The following CTNNA2 variants were observed in gnomAD, a reference collection of about 807,000 sequenced individuals.
CTNNA2 encodes the protein catenin alpha 2.
A neutral mutation model predicts 101.0 loss-of-function variants in CTNNA2; 42 were observed. The observed-to-expected ratio is 0.42, with a 90% CI of 0.32 to 0.54. The LOEUF (loss-of-function observed/expected upper bound fraction) is 0.54, where lower values mean the gene tolerates loss of function less well. Among genes scored for constraint, CTNNA2 ranks in the 20% least tolerant of loss-of-function variants. The probability of loss-of-function intolerance (pLI) is 0.14; values close to 1 mark genes in which losing one functional copy is unlikely to be tolerated. For synonymous variants in CTNNA2, 450 were observed against 456.4 expected (o/e 0.99, Z 0.18); for missense variants, 871 against 1,223.1 (o/e 0.71, Z 4.29).
At chr2:79,636,659 C>G (rs893466877) in intron 1 of CTNNA2, among the ~76,000 whole-genome samples, 67 of 151,882 alleles carry the variant, frequency 4.4e-4, no homozygotes, top group African/African-American at 1.6e-3. Context: ...CATTATGTAA[C>G]TAGAATATAT....
intron 6 of CTNNA2, among the ~76,000 whole-genome samples, chr2:79,879,628 T>C (rs1161585640): frequency 4.6e-5 from 7 of 152,148 alleles, no homozygotes. Flanking sequence ...TTGTCTGTTA[T>C]TGATGTAAAG....
intron 2 of CTNNA2, among the ~76,000 whole-genome samples, chr2:79,733,282 T>C (rs1280503049): frequency 1.3e-5 from 2 of 152,120 alleles, no homozygotes; most frequent in Non-Finnish European, 2.9e-5. Flanking sequence ...TCAGCAATAA[T>C]AGATGTAAAT....
At chr2:80,475,939 G>T (rs1285810316) in intron 9 of CTNNA2, among the ~76,000 whole-genome samples, 2 of 152,066 alleles carry the variant, frequency 1.3e-5, no homozygotes, top group Non-Finnish European at 2.9e-5. Context: ...TGGCAATCTG[G>T]GGTCATGTTC....
At chr2:79,189,756 A>C (rs1440471958) in intron 1 of CTNNA2, among the ~76,000 whole-genome samples, 1 of 152,168 alleles carries the variant, frequency 6.6e-6, no homozygotes, top group Non-Finnish European at 1.5e-5. Context: ...TATAGGGGCC[A>C]TTTCTTCTTG....
chr2:80,520,366 C>T (rs184710274), intron 9 of CTNNA2, among the ~76,000 whole-genome samples: 1 of 151,922 alleles, frequency 6.6e-6, no homozygotes, highest in Non-Finnish European at 1.5e-5. Flanking sequence ...TGGAAAAATT[C>T]CCGACCTGCC....
chr2:79,417,285 A>T (rs903798927), intron 4 of CTNNA2, among the ~76,000 whole-genome samples: 12 of 152,170 alleles, frequency 7.9e-5, no homozygotes, highest in Admixed American at 7.9e-4. Flanking sequence ...AGAAGTTCTC[A>T]TCTCAGCCCA....
chr2:79,976,668 G>A, intron 7 of CTNNA2, among the ~76,000 whole-genome samples: 1 of 152,136 alleles, frequency 6.6e-6, no homozygotes, highest in Non-Finnish European at 1.5e-5. Flanking sequence ...AAGGTATATT[G>A]TCCCATTGCA....
intron 3 of CTNNA2, among the ~76,000 whole-genome samples, chr2:79,780,551 C>T (rs182222095): frequency 2.3e-4 from 35 of 152,286 alleles, no homozygotes; most frequent in Non-Finnish European, 4.3e-4. Flanking sequence ...ACAACACACA[C>T]TCAAACACAT....
intron 1 of CTNNA2, among the ~76,000 whole-genome samples, chr2:79,628,137 T>C (rs930160650): frequency 1.3e-5 from 2 of 152,178 alleles, no homozygotes; most frequent in African/African-American, 4.8e-5. Context: ...AAACGTGTTT[T>C]TTAAACACTC....
intron 1 of CTNNA2, among the ~76,000 whole-genome samples, chr2:79,649,775 A>C (rs1681089282): frequency 6.6e-6 from 1 of 152,206 alleles, no homozygotes; most frequent in South Asian, 2.1e-4. Flanking sequence ...TATTTAAAAC[A>C]TGGCATTTGG....
chr2:80,633,325 A>G (rs1167761583), intron 18 of CTNNA2, among the ~76,000 whole-genome samples: 2 of 152,220 alleles, frequency 1.3e-5, no homozygotes, highest in Non-Finnish European at 2.9e-5. Flanking sequence ...ACATGTAGAC[A>G]GCTTTTTTGG....
At chr2:80,296,129 C>A (rs1320726869) in intron 7 of CTNNA2, among the ~76,000 whole-genome samples, 1 of 152,078 alleles carries the variant, frequency 6.6e-6, no homozygotes, top group Middle Eastern at 3.2e-3. Context: ...TTGATAGAGG[C>A]ATGCAATGTG....
intron 9 of CTNNA2, among the ~76,000 whole-genome samples, chr2:80,475,484 C>T (rs1482196261): frequency 6.6e-6 from 1 of 152,060 alleles, no homozygotes; most frequent in Admixed American, 6.6e-5. Context: ...AAGTAAAGGA[C>T]TGGAGCTCTC....
chr2:80,031,215 T>C (rs1289544494), intron 7 of CTNNA2, among the ~76,000 whole-genome samples: 1 of 152,172 alleles, frequency 6.6e-6, no homozygotes, highest in Non-Finnish European at 1.5e-5. Context: ...TATATATCAG[T>C]GTAGAAAAGT....
chr2:80,533,526 G>A (rs1690721431), intron 9 of CTNNA2, among the ~76,000 whole-genome samples: 1 of 152,118 alleles, frequency 6.6e-6, no homozygotes, highest in African/African-American at 2.4e-5. Context: ...TTAGAGAATA[G>A]CTGCACTTAC....
At chr2:79,919,672 A>G (rs1419865381) in intron 7 of CTNNA2, among the ~76,000 whole-genome samples, 1 of 152,218 alleles carries the variant, frequency 6.6e-6, no homozygotes, top group Non-Finnish European at 1.5e-5. Context: ...CACCATCAAA[A>G]TGATGAACCT....
At chr2:79,342,423 A>C (rs1677158593) in intron 3 of CTNNA2, among the ~76,000 whole-genome samples, 1 of 152,182 alleles carries the variant, frequency 6.6e-6, no homozygotes, top group African/African-American at 2.4e-5. Flanking sequence ...ACTAGGGGAA[A>C]ATGAATTACA....
At chr2:79,713,019 C>T (rs1685842868) in intron 2 of CTNNA2, among the ~76,000 whole-genome samples, 1 of 152,134 alleles carries the variant, frequency 6.6e-6, no homozygotes, top group African/African-American at 2.4e-5. Context: ...TGTGAGTCCT[C>T]AGGGGAAAAA....
intron 12 of CTNNA2, among the ~76,000 whole-genome samples, 174 bp downstream of exon 12, chr2:80,556,067 ATAT>A (rs1250997176): frequency 1.3e-5 from 2 of 152,204 alleles, no homozygotes; most frequent in Admixed American, 6.5e-5. Context: ...AATTTGAATA[ATAT>A]TAGGAGAATG....
Sources: allele counts gnomAD v4.1 joint callset (sites outside exome capture counted in the v4.1 genomes callset), GRCh38; gene constraint gnomAD v4.1.1; transcripts MANE v1.5; gene names NCBI Gene and HGNC (gene_info 2026-07-23, HGNC 2026-07-21).